The following CPOX variants were observed in gnomAD, a reference collection of about 807,000 sequenced individuals.
CPOX encodes the protein coproporphyrinogen oxidase, also known as oxygen-dependent coproporphyrinogen-III oxidase, mitochondrial.
Under a neutral mutation model 48.9 loss-of-function variants are expected in CPOX, and 24 were observed. The observed-to-expected ratio is 0.49, with a 90% CI of 0.36 to 0.69. CPOX has a LOEUF of 0.69. Among genes scored for constraint, CPOX ranks in the 30% least tolerant of loss-of-function variants. The pLI is 0.00. For missense variants in CPOX, 549 were observed against 597.3 expected (o/e 0.92, Z 0.84); for synonymous variants, 249 against 234.6 (o/e 1.06, Z -0.56).
chr3:98,579,480 T>C lies in CPOX; in HGVS notation c.*1203A>G. On this transcript the variant is annotated 3_prime_UTR_variant, in exon 7 of 7. Transcript: ENST00000647941. ...TTTAATAATAAAATTTATTAGCAGATCTCTTGTAAGACAGTTGAAGAATTC... is the reference window on the plus strand; with the variant it reads ...TTTAATAATAAAATTTATTAGCAGACCTCTTGTAAGACAGTTGAAGAATTC... 5.7e-6 allele frequency: 5 copies of C among 870,666 alleles called. No homozygotes were observed. The highest frequency in any genetic ancestry group is 5.5e-6 in the Non-Finnish European group (4 of 725,834). 53.9% of individuals were successfully genotyped at this position (870,666 alleles called of 1,614,324 possible).
Position 98,592,444 on chromosome 3 carries a change from T to C in CPOX, c.556+505A>G, listed in dbSNP as rs139518479. Reference sequence around the variant, plus strand: ...TAGTGCTACTGAGAAACGAATCAAATATATCTTGTGTAACAGTAAAAAGAA... The same window carrying C: ...TAGTGCTACTGAGAAACGAATCAAACATATCTTGTGTAACAGTAAAAAGAA... On this transcript the variant is annotated intron_variant, in intron 1 of 6. Transcript: ENST00000647941. Among the ~76,000 whole-genome samples the C allele has an allele frequency of 1.6e-4, 24 of 152,236 alleles. No individual in the cohort carries two copies. In the East Asian group the frequency reaches 4.6e-3, roughly 29 times the overall value.
intron 5 of CPOX, 146 bp from the exon 6 acceptor site, chr3:98,581,657 T>C (rs1010298298): frequency 2.2e-5 from 14 of 649,858 alleles, no homozygotes; most frequent in Admixed American, 4.9e-5. Context: ...CTACAGCCCA[T>C]TGAGAGCTCT....
chr3:98,591,031 T>A lies in CPOX; in HGVS notation c.681A>T (p.Lys227Asn). ...EAAKQMRSRG[K>N]VLKTKDGKLP... ...ATTTACCATCTTTAGTCTTCAGAAC[T>A]TTTCCTCTGCTTCTCATTTGTTTTG... The change falls in exon 2 of 7, where the codon AAA becomes AAT. Residue 227 changes from lysine (K) to asparagine (N), a missense_variant. This residue lies in a region of CPOX where 336 missense variants were observed against 318.1 expected (regional missense o/e 1.06). Coordinates refer to ENST00000647941, the MANE Select transcript of CPOX (RefSeq NM_000097.7). The A allele has an allele frequency of 1.2e-6, 2 of 1,614,164 alleles. No homozygotes were observed. The highest frequency in any genetic ancestry group is 8.5e-7 in the Non-Finnish European group (1 of 1,179,996).
intron 4 of CPOX, among the ~76,000 whole-genome samples, chr3:98,588,257 ATTTC>A (rs1707405344): frequency 6.6e-6 from 1 of 152,058 alleles, no homozygotes; most frequent in Admixed American, 6.5e-5. Flanking sequence ...TATCATTAGA[ATTTC>A]TTTAACAAAT....
In CPOX at chr3:98,593,387, G is replaced by T; in HGVS notation, c.118C>A (p.Gln40Lys). 1.4e-6 allele frequency: 2 copies of T among 1,381,428 alleles called. No individual in the cohort carries two copies. The highest frequency in any genetic ancestry group is 1.9e-6 in the Non-Finnish European group (2 of 1,078,604). The allele number at this position is 1,381,428 out of a possible 1,614,324, so 85.6% of individuals were successfully genotyped here. A position where few individuals can be genotyped will look rare whatever the true frequency, so the allele number is the denominator to read the frequency against. ...CAGACGCGTCCGGCTGCGCTGCGCT[G>T]GGACCAGGCTCGGAGCCCTCCGCCG... is the stretch of plus-strand genomic sequence containing the variant. ...CGGGGLRAWS[Q>K]RSAAGRVCRP... Residue 40 changes from glutamine (Q) to lysine (K), a missense_variant, in exon 1 of 7, where the codon CAG becomes AAG. Gln to Lys is a moderately conservative substitution (Grantham distance 53, BLOSUM62 1). Around this residue, in one of 2 missense-constraint regions of CPOX, gnomAD observed 336 missense variants for 318.1 expected, o/e 1.06. Coordinates refer to ENST00000647941, the MANE Select transcript of CPOX (RefSeq NM_000097.7).
At chr3:98,590,125 G>C (rs939827864) in intron 3 of CPOX, among the ~76,000 whole-genome samples, 1 of 152,108 alleles carries the variant, frequency 6.6e-6, no homozygotes, top group African/African-American at 2.4e-5. Context: ...GTTAGAGTCA[G>C]TCAATACCAT....
chr3:98,588,633 G>C, intron 4 of CPOX, 80 bp downstream of exon 4: 3 of 1,420,922 alleles, frequency 2.1e-6, no homozygotes, highest in Non-Finnish European at 3.0e-6. Flanking sequence ...GCAGAAGAGG[G>C]TATTTAGTGA....
chr3:98,593,008 G>A lies in CPOX; in HGVS notation c.497C>T (p.Ala166Val). The A allele has an allele frequency of 6.2e-7, 1 of 1,613,870 alleles. No homozygotes were observed. Among genetic ancestry groups the A allele is most frequent in the South Asian group, 1.1e-5 (1 of 91,028 alleles). The change falls in exon 1 of 7, where the codon GCT becomes GTT. Residue 166 changes from alanine (A) to valine (V), a missense_variant. Around this residue, in one of 2 missense-constraint regions of CPOX, gnomAD observed 336 missense variants for 318.1 expected, o/e 1.06. Coordinates refer to ENST00000647941, the MANE Select transcript of CPOX (RefSeq NM_000097.7). ...ILETQAQVCQ[A>V]LAQVDGGANF... is the part of the protein sequence containing the mutation. ...GGCGCCCCCGTCTACCTGTGCCAGAGCCTGGCACACCTGGGCCTGGGTCTC... is the reference window on the plus strand; with the variant it reads ...GGCGCCCCCGTCTACCTGTGCCAGAACCTGGCACACCTGGGCCTGGGTCTC...
downstream of CPOX, among the ~76,000 whole-genome samples, chr3:98,575,129 AT>A (rs1707140807): frequency 6.6e-6 from 1 of 152,242 alleles, no homozygotes; most frequent in Non-Finnish European, 1.5e-5. Context: ...TGAAAGCATT[AT>A]TCACTTGCTA....
In CPOX at chr3:98,593,438, C is replaced by T; in HGVS notation, c.67G>A (p.Gly23Arg). Residue 23 changes from glycine to arginine, a missense_variant, in exon 1 of 7, where the codon GGG (glycine) becomes AGG (arginine). Gly to Arg is a moderately radical substitution (Grantham distance 125). Transcript: ENST00000647941. The part of the protein sequence containing the change: ...CWLVARGGCG[G>R]PRAWSQCGGG... ...CCGCACTGGGACCAGGCGCGGGGCC[C>T]TCCGCAGCCGCCCCGCGCCACGAGC... The T allele has an allele frequency of 6.7e-7, 1 of 1,486,752 alleles. No homozygotes were observed. The highest frequency in any genetic ancestry group is 8.9e-7 in the Non-Finnish European group (1 of 1,125,162). 92.1% of individuals were successfully genotyped at this position (1,486,752 alleles called of 1,614,324 possible). A position where few individuals can be genotyped will look rare whatever the true frequency, so the allele number is the denominator to read the frequency against.
chr3:98,580,427 C>T lies in CPOX; in HGVS notation c.*256G>A. The T allele has an allele frequency of 7.7e-7, 1 of 1,296,596 alleles. No homozygotes were observed. The highest frequency in any genetic ancestry group is 1.7e-5 in the South Asian group (1 of 59,154). The allele number at this position is 1,296,596 out of a possible 1,614,324, so 80.3% of individuals were successfully genotyped here. A position where few individuals can be genotyped will look rare whatever the true frequency, so the allele number is the denominator to read the frequency against. On this transcript the variant is annotated 3_prime_UTR_variant, in exon 7 of 7. Transcript: ENST00000647941. Reference sequence around the variant, plus strand: ...TCTCAATACTTGGAAACTCAATGTCCTATTTTGTAAACTAGTCATATAAAA... The same window carrying T: ...TCTCAATACTTGGAAACTCAATGTCTTATTTTGTAAACTAGTCATATAAAA...
chr3:98,572,291 G>A, the CPOX span, among the ~76,000 whole-genome samples: 61,908 of 151,790 alleles, frequency 0.41, 12,695 homozygotes, highest in Middle Eastern at 0.48. Context: ...CTTATGTTAT[G>A]CTTTTAGATG....
chr3:98,580,968 C>T (rs1230411357), intron 6 of CPOX, among the ~76,000 whole-genome samples, 198 bp from the exon 7 acceptor site: 1 of 151,822 alleles, frequency 6.6e-6, no homozygotes, highest in East Asian at 1.9e-4. Flanking sequence ...AGTTTCTTAA[C>T]AACTCTTGGG....
In CPOX at chr3:98,593,312, CGTG is replaced by C; in HGVS notation, c.190_192del (p.His64del). On this transcript the variant is annotated inframe_deletion, in exon 1 of 7. Coordinates refer to ENST00000647941, the MANE Select transcript of CPOX (RefSeq NM_000097.7). ...CAGGGGCCGCCTCTCGACGTCGAGC[CGTG>C]CCCCAGCCCGCGGCTCTGCTCCGTG... 1 of 1,436,854 alleles carries C rather than the reference CGTG, an allele frequency of 7.0e-7. No individual in the cohort carries two copies. Among genetic ancestry groups the C allele is most frequent in the Non-Finnish European group, 9.1e-7 (1 of 1,103,362 alleles). The allele number at this position is 1,436,854 out of a possible 1,614,324, so 89.0% of individuals were successfully genotyped here. A position where few individuals can be genotyped will look rare whatever the true frequency, so the allele number is the denominator to read the frequency against.
downstream of CPOX, among the ~76,000 whole-genome samples, chr3:98,575,981 A>G (rs1239590004): frequency 6.7e-6 from 1 of 150,280 alleles, no homozygotes; most frequent in Admixed American, 6.7e-5. Context: ...CTGAGGCAAG[A>G]GAATGGCTTG....
In CPOX at chr3:98,592,940, C is replaced by T. The variant is rs184983281; in HGVS notation, c.556+9G>A. The T allele has an allele frequency of 2.6e-3, 4,185 of 1,610,186 alleles. 9 individuals are homozygous for T. Among genetic ancestry groups the T allele is most frequent in the Non-Finnish European group, 3.1e-3 (3,656 of 1,178,472 alleles). ...GTCTCCAACTCCCGCCAGGGGCCGGCCTCCTTACCTTCCTTCCTCTCCCAC... is the reference window on the plus strand; with the variant it reads ...GTCTCCAACTCCCGCCAGGGGCCGGTCTCCTTACCTTCCTTCCTCTCCCAC... On this transcript the variant is annotated intron_variant, in intron 1 of 6. Transcript: ENST00000647941.
chr3:98,581,292 A>C, intron 6 of CPOX, 115 bp downstream of exon 6: 3 of 798,336 alleles, frequency 3.8e-6, no homozygotes, highest in Middle Eastern at 2.3e-4. Flanking sequence ...AAAATCAGCA[A>C]AGTCAAAACT....
chr3:98,575,522 G>A (rs543448149), downstream of CPOX, among the ~76,000 whole-genome samples: 53 of 152,322 alleles, frequency 3.5e-4, no homozygotes, highest in African/African-American at 1.2e-3. Context: ...GCCGGGCACC[G>A]TGGCTCATGC....
Position 98,580,574 on chromosome 3 carries a change from A to C in CPOX, c.*109T>G, listed in dbSNP as rs1707238912. 2.5e-6 allele frequency: 4 copies of C among 1,575,700 alleles called. No homozygotes were observed. The highest frequency in any genetic ancestry group is 2.6e-6 in the Non-Finnish European group (3 of 1,160,834). Reference sequence around the variant, plus strand: ...GCCCACGAGGTAGGGTGCAGAGTGGAGAAGACTAAGGCACGGGTAACTGCC... The same window carrying C: ...GCCCACGAGGTAGGGTGCAGAGTGGCGAAGACTAAGGCACGGGTAACTGCC... On this transcript the variant is annotated 3_prime_UTR_variant, in exon 7 of 7. Coordinates refer to ENST00000647941, the MANE Select transcript of CPOX (RefSeq NM_000097.7).
Sources: gnomAD v4.1 joint callset for allele counts (sites outside exome capture counted in the v4.1 genomes callset) on GRCh38, gnomAD v4.1.1 for gene constraint, gnomAD v4.1.1 regional missense constraint, MANE v1.5 for transcripts, NCBI Gene and HGNC (gene_info 2026-07-23, HGNC 2026-07-21) for gene names.